The following AMY2A variants were observed in gnomAD, a reference collection of about 807,000 sequenced individuals.
AMY2A encodes amylase alpha 2A.
AMY2A carries 16 observed loss-of-function variants against 43.0 expected under a neutral mutation model. The ratio of observed to expected loss-of-function variants is 0.37; its 90% CI spans 0.25 to 0.56. AMY2A has a LOEUF of 0.56. Ranked by LOEUF, AMY2A falls within the 20% of genes least tolerant of loss-of-function variation. The probability of loss-of-function intolerance (pLI) is 0.77; values close to 1 mark genes in which losing one functional copy is unlikely to be tolerated. For missense variants in AMY2A, 212 were observed against 456.8 expected (o/e 0.46, Z 4.89); for synonymous variants, 70 against 144.6 (o/e 0.48, Z 3.70).
At chr1:103,616,990 C>T, upstream of AMY2A, 1 of 1,038,414 alleles carries the variant, frequency 9.6e-7, no homozygotes, top group Non-Finnish European at 1.2e-6. Context: ...CCTTTCTTAG[C>T]TTACGTTATC....
intron 2 of AMY2A, 141 bp from the exon 3 acceptor site, chr1:103,618,769 AT>A: frequency 6.7e-7 from 1 of 1,491,908 alleles, no homozygotes; most frequent in East Asian, 2.3e-5. Flanking sequence ...TTCACAGTTG[AT>A]TTTTGATCTT....
At position 103,619,181 on chromosome 1, in the gene AMY2A, A is replaced by G. The variant is rs535103356; in HGVS notation, c.513+73A>G. ...TTTCTTGTAGACATGTAGCTAATTG[A>G]ATTTCATTTAAAATAGGAATTTAGA... On this transcript the variant is annotated intron_variant, in intron 3 of 9. Coordinates refer to ENST00000414303, the MANE Select transcript of AMY2A (RefSeq NM_000699.4). 631 of 587,428 alleles carry G rather than the reference A, an allele frequency of 1.1e-3. 34 individuals are homozygous for G. Among genetic ancestry groups the G allele is most frequent in the Admixed American group, 1.5e-3 (47 of 30,552 alleles). The allele number at this position is 587,428 out of a possible 1,614,324, so 36.4% of individuals were successfully genotyped here.
At position 103,620,566 on chromosome 1, in the gene AMY2A, G is replaced by T. The variant is rs1260200219; in HGVS notation, c.760G>T (p.Gly254Cys). 2 of 1,595,602 alleles carry T rather than the reference G, an allele frequency of 1.3e-6. No homozygotes were observed. Among genetic ancestry groups the T allele is most frequent in the African/African-American group, 2.7e-5 (2 of 74,194 alleles). ...TTTCTACTAGGTAATTGATCTGGGTGGTGAGCCAATTAAAAGCAGTGACTA... is the reference window on the plus strand; with the variant it reads ...TTTCTACTAGGTAATTGATCTGGGTTGTGAGCCAATTAAAAGCAGTGACTA... ...FIYQEVIDLG[G>C]EPIKSSDYFG... Residue 254 changes from glycine (G) to cysteine (C), a missense_variant, in exon 5 of 10, where the codon GGT becomes TGT. Gly to Cys is a radical substitution (Grantham distance 159). Around this residue, in one of 2 missense-constraint regions of AMY2A, gnomAD observed 13 missense variants for 246.2 expected, o/e 0.05. Coordinates refer to ENST00000414303, the MANE Select transcript of AMY2A (RefSeq NM_000699.4).
chr1:103,617,452 T>C lies in AMY2A; in HGVS notation c.12T>C (p.Phe4=), dbSNP rs199987234. Residue 4 remains phenylalanine, a synonymous_variant, in exon 1 of 10, where the codon TTT becomes TTC. Transcript: ENST00000414303. ...AACTTCAAAGCAAAATGAAGTTCTTTCTGTTGCTTTTCACCATTGGGTTCT... is the reference window on the plus strand; with the variant it reads ...AACTTCAAAGCAAAATGAAGTTCTTCCTGTTGCTTTTCACCATTGGGTTCT... The part of the protein sequence containing the change: MKF[F]LLLFTIGFCW... The C allele has an allele frequency of 3.7e-6, 6 of 1,600,092 alleles. No individual in the cohort carries two copies. In the East Asian group the frequency reaches 1.3e-4, roughly 36 times the overall value.
upstream of AMY2A, chr1:103,616,674 T>A (rs1653085749): frequency 6.6e-6 from 1 of 151,062 alleles, no homozygotes; most frequent in African/African-American, 2.4e-5. Flanking sequence ...CACTGGATTG[T>A]AGAATGTGTT....
In AMY2A at chr1:103,619,893, A is replaced by G. The variant is rs1049068556; in HGVS notation, c.744+109A>G. 6 of 1,490,382 alleles carry G rather than the reference A, an allele frequency of 4.0e-6. No homozygotes were observed. In the Admixed American group the frequency reaches 7.4e-5, roughly 18 times the overall value. 92.3% of individuals were successfully genotyped at this position (1,490,382 alleles called of 1,614,324 possible). A position where few individuals can be genotyped will look rare whatever the true frequency, so the allele number is the denominator to read the frequency against. On this transcript the variant is annotated intron_variant, in intron 4 of 9. Coordinates refer to ENST00000414303, the MANE Select transcript of AMY2A (RefSeq NM_000699.4). ...GTAGGATAAGGAATGAGACATTTACATAAAACAGTGTTCTTTAACCTCCTC... is the reference window on the plus strand; with the variant it reads ...GTAGGATAAGGAATGAGACATTTACGTAAAACAGTGTTCTTTAACCTCCTC...
chr1:103,623,687 G>A (rs1175510799), intron 7 of AMY2A, among the ~76,000 whole-genome samples, 179 bp from the exon 8 acceptor site: 13 of 123,068 alleles, frequency 1.1e-4, no homozygotes, highest in Non-Finnish European at 2.1e-4. Flanking sequence ...GAAAACCAGA[G>A]GATAGAGAGA....
upstream of AMY2A, chr1:103,617,252 T>G (rs1653101984): frequency 1.3e-5 from 17 of 1,277,100 alleles, 2 homozygotes; most frequent in African/African-American, 5.9e-5. Context: ...AAAGGTCATT[T>G]AGATGATTTC....
chr1:103,616,668 G>A (rs1374038976), upstream of AMY2A: 1 of 150,942 alleles, frequency 6.6e-6, no homozygotes, highest in African/African-American at 2.4e-5. Context: ...TATCAGCACT[G>A]GATTGTAGAA....
chr1:103,616,941 C>T, upstream of AMY2A: 1 of 1,002,824 alleles, frequency 1.0e-6, no homozygotes, highest in Non-Finnish European at 1.2e-6. Flanking sequence ...TCCTGTCAGT[C>T]TGTCAGGGTT....
intron 2 of AMY2A, among the ~76,000 whole-genome samples, chr1:103,618,595 A>G (rs1407796965): frequency 6.6e-6 from 1 of 150,678 alleles, no homozygotes; most frequent in African/African-American, 2.4e-5. Context: ...GAAATTTCCA[A>G]AACAATAACC....
chr1:103,616,924 G>A, upstream of AMY2A: 1 of 957,596 alleles, frequency 1.0e-6, no homozygotes, highest in Non-Finnish European at 1.3e-6. Context: ...TGGACCACTT[G>A]TTTCTGTCCT....
intron 2 of AMY2A, among the ~76,000 whole-genome samples, chr1:103,618,665 T>C (rs1330958947): frequency 3.3e-5 from 5 of 150,706 alleles, no homozygotes; most frequent in Admixed American, 6.6e-5. Flanking sequence ...TCCTCCTATT[T>C]ATGGTAGTTT....
At chr1:103,619,195 T>G (rs1653164862) in intron 3 of AMY2A, 87 bp downstream of exon 3, 1 of 587,974 alleles carries the variant, frequency 1.7e-6, no homozygotes, top group Non-Finnish European at 3.0e-6. Flanking sequence ...TCATTTAAAA[T>G]AGGAATTTAG....
intron 4 of AMY2A, 139 bp downstream of exon 4, chr1:103,619,923 T>C: frequency 6.9e-7 from 1 of 1,447,416 alleles, no homozygotes; most frequent in East Asian, 2.4e-5. Context: ...CTCCTCTTCT[T>C]CACATACAGC....
chr1:103,619,871 G>C (rs539707115), intron 4 of AMY2A, 87 bp downstream of exon 4: 2 of 1,558,324 alleles, frequency 1.3e-6, no homozygotes, highest in Non-Finnish European at 1.8e-6. Context: ...AATTTCTGTA[G>C]GATAAGGAAT....
upstream of AMY2A, chr1:103,616,975 A>T: frequency 9.6e-7 from 1 of 1,044,308 alleles, no homozygotes; most frequent in Non-Finnish European, 1.2e-6. Context: ...CATAGGACCC[A>T]GTTTCCTTTC....
chr1:103,618,726 G>T (rs919989305), intron 2 of AMY2A, among the ~76,000 whole-genome samples, 185 bp from the exon 3 acceptor site: 4 of 150,596 alleles, frequency 2.7e-5, no homozygotes, highest in Admixed American at 2.7e-4. Context: ...GTGTCTAGAA[G>T]GCATGTAGGT....
At position 103,618,776 on chromosome 1, in the gene AMY2A, A is replaced by C. The variant is rs555711625; in HGVS notation, c.316-135A>C. On this transcript the variant is annotated intron_variant, in intron 2 of 9. Coordinates refer to ENST00000414303, the MANE Select transcript of AMY2A (RefSeq NM_000699.4). Reference sequence around the variant, plus strand: ...ACTTTCCTTTCACAGTTGATTTTTGATCTTGTAGGAAAATAATTATAAGAT... The same window carrying C: ...ACTTTCCTTTCACAGTTGATTTTTGCTCTTGTAGGAAAATAATTATAAGAT... 94 of 1,489,564 alleles carry C rather than the reference A, an allele frequency of 6.3e-5. 3 individuals carry two copies. In the South Asian group the frequency reaches 1.1e-3, roughly 17 times the overall value. The allele number at this position is 1,489,564 out of a possible 1,614,324, so 92.3% of individuals were successfully genotyped here.
Sources: allele counts gnomAD v4.1 joint callset (sites outside exome capture counted in the v4.1 genomes callset), GRCh38; gene constraint gnomAD v4.1.1; regional missense constraint gnomAD v4.1.1; transcripts MANE v1.5; gene names NCBI Gene and HGNC (gene_info 2026-07-23, HGNC 2026-07-21).